The following TCEA1 variants were observed in gnomAD, a reference collection of about 807,000 sequenced individuals.
TCEA1 encodes transcription elongation factor A1, also known as transcription elongation factor A protein 1.
Under a neutral mutation model 43.8 loss-of-function variants are expected in TCEA1, and 21 were observed. The ratio of observed to expected loss-of-function variants is 0.48; its 90% confidence interval spans 0.34 to 0.69. TCEA1 has a LOEUF of 0.69. Ranked by LOEUF, TCEA1 falls within the 30% of genes least tolerant of loss-of-function variation. The pLI is 0.01. For missense variants in TCEA1, 250 were observed against 365.1 expected (o/e 0.68, Z 2.57); for synonymous variants, 104 against 117.5 (o/e 0.88, Z 0.75).
At chr8:53,988,317 A>G (rs185378086) in intron 4 of TCEA1, 58 bp from the exon 5 acceptor site, 62 of 1,571,178 alleles carry the variant, frequency 3.9e-5, no homozygotes, top group South Asian at 2.9e-4. Context: ...CAAAGTAACA[A>G]TACTACTATC....
At chr8:54,019,949 T>G (rs1027478920) in intron 1 of TCEA1, among the ~76,000 whole-genome samples, 1 of 152,196 alleles carries the variant, frequency 6.6e-6, no homozygotes, top group Admixed American at 6.5e-5. Context: ...AGAAGAAAAC[T>G]TAGATTTGAG....
intron 3 of TCEA1, among the ~76,000 whole-genome samples, chr8:53,994,633 C>T (rs551778257): frequency 6.6e-5 from 10 of 152,132 alleles, no homozygotes; most frequent in African/African-American, 2.2e-4. Flanking sequence ...CTTTGGAAGG[C>T]CACGGCGGGC....
chr8:53,970,807 TAAG>T (rs1341934876), intron 8 of TCEA1, among the ~76,000 whole-genome samples: 1 of 152,146 alleles, frequency 6.6e-6, no homozygotes, highest in African/African-American at 2.4e-5. Context: ...ATTTCATCAG[TAAG>T]AAGCACAGAA....
intron 1 of TCEA1, 33 bp downstream of exon 1, chr8:54,022,030 T>G: frequency 1.3e-6 from 2 of 1,555,782 alleles, no homozygotes; most frequent in African/African-American, 1.4e-5. Flanking sequence ...CGGCCCGGCC[T>G]CCCTCCCGGC....
At chr8:53,989,630 T>C (rs1332039091) in intron 4 of TCEA1, among the ~76,000 whole-genome samples, 1 of 152,248 alleles carries the variant, frequency 6.6e-6, no homozygotes, top group Non-Finnish European at 1.5e-5. Flanking sequence ...TTCTTCTCTA[T>C]CAGACTGAGT....
chr8:53,987,000 A>C lies in TCEA1; in HGVS notation c.492T>G (p.Asp164Glu). ...CAATTTGAGATCCTAATTCTTCCTC[A>C]TCAGCTCCAATTGCAATGTAGTCAT... is the stretch of plus-strand genomic sequence containing the variant. The part of the protein sequence containing the change: ...TGDDYIAIGA[D>E]EEELGSQIEE... Residue 164 changes from aspartate to glutamate, a missense_variant, in exon 6 of 10, where the codon GAT (aspartate) becomes GAG (glutamate). Physicochemically the swap from Asp to Glu is conservative, Grantham distance 45 (BLOSUM62 2). Around this residue, in one of 4 missense-constraint regions of TCEA1, gnomAD observed 147 missense variants for 160.3 expected, o/e 0.92. Coordinates refer to ENST00000521604, the MANE Select transcript of TCEA1 (RefSeq NM_006756.4). 1 of 1,601,612 alleles carries C rather than the reference A, an allele frequency of 6.2e-7. No individual in the cohort carries two copies. Among genetic ancestry groups the C allele is most frequent in the Non-Finnish European group, 8.5e-7 (1 of 1,174,348 alleles).
In TCEA1 at chr8:53,978,251, A is replaced by AT. The variant is rs891069119; in HGVS notation, c.825+773dup. On this transcript the variant is annotated intron_variant, in intron 8 of 9. Transcript: ENST00000521604. ...CCATCTCCGCAAAAAAATAATAATA[A>AT]TTTTTTTTAAAAAAAATCATTCTTA... is the stretch of plus-strand genomic sequence containing the variant. Among the ~76,000 whole-genome samples the AT allele has an allele frequency of 1.1e-4, 17 of 151,918 alleles. No individual in the cohort carries two copies. In the East Asian group the frequency reaches 1.9e-3, roughly 17 times the overall value.
chr8:54,019,385 T>G (rs1335798738), intron 1 of TCEA1, among the ~76,000 whole-genome samples: 1 of 151,730 alleles, frequency 6.6e-6, no homozygotes, highest in Non-Finnish European at 1.5e-5. Context: ...GCCTGGCCAA[T>G]ACGTTGAAAT....
At chr8:54,000,089 T>A in intron 2 of TCEA1, 39 bp from the exon 3 acceptor site, 1 of 1,173,784 alleles carries the variant, frequency 8.5e-7, no homozygotes, top group Non-Finnish European at 1.2e-6. Context: ...ATACCAATTT[T>A]ATTTTAAACA....
rs372820970 is a variant in TCEA1 at position 53,984,528 on chromosome 8, G to A, written c.524-11C>T. 1.2e-4 allele frequency: 188 copies of A among 1,534,894 alleles called. No homozygotes were observed. Among genetic ancestry groups the A allele is most frequent in the Admixed American group, 3.5e-4 (15 of 42,698 alleles). ...TTTCTTGATATATAGGTACCAGGCC[G>A]TTAAGGAAAAAAGGCAAAATTACAA... On this transcript the variant is annotated splice_polypyrimidine_tract_variant and intron_variant, in intron 6 of 9. Transcript: ENST00000521604.
At chr8:53,977,708 T>TTC (rs1803374762) in intron 8 of TCEA1, among the ~76,000 whole-genome samples, 103 of 152,172 alleles carry the variant, frequency 6.8e-4, no homozygotes, top group African/African-American at 2.3e-3. Context: ...AAGACAGTGA[T>TTC]AAAAAAAATT....
chr8:53,973,551 T>G, intron 8 of TCEA1: 2 of 525,964 alleles, frequency 3.8e-6, no homozygotes, highest in Non-Finnish European at 7.2e-6. Context: ...GAAACCAAAA[T>G]AGAAAGATGA....
intron 3 of TCEA1, among the ~76,000 whole-genome samples, chr8:53,995,440 CAG>C (rs1804025408): frequency 6.6e-6 from 1 of 152,050 alleles, no homozygotes; most frequent in Non-Finnish European, 1.5e-5. Context: ...GCCTGGATGA[CAG>C]AGTGATACCT....
intron 3 of TCEA1, among the ~76,000 whole-genome samples, chr8:53,998,995 A>G (rs182878736): frequency 1.3e-3 from 192 of 152,220 alleles, no homozygotes; most frequent in African/African-American, 3.6e-3. Context: ...TTGGGAGGCC[A>G]AGGCGGGCAG....
intron 2 of TCEA1, among the ~76,000 whole-genome samples, chr8:54,004,280 C>T (rs940698606): frequency 4.6e-5 from 7 of 152,026 alleles, no homozygotes; most frequent in Non-Finnish European, 1.5e-5. Context: ...ATACCATTCC[C>T]AGGTATCTAC....
intron 1 of TCEA1, among the ~76,000 whole-genome samples, chr8:54,017,662 T>C (rs996743759): frequency 2.0e-5 from 3 of 152,208 alleles, no homozygotes; most frequent in African/African-American, 4.8e-5. Context: ...GGCTCACGCC[T>C]GTAATCCCAG....
rs554296579 is a variant in TCEA1 at position 53,988,165 on chromosome 8, A to G, written c.415T>C (p.Ser139Pro). 6.2e-7 allele frequency: 1 copy of G among 1,612,880 alleles called. No individual in the cohort carries two copies. Among genetic ancestry groups the G allele is most frequent in the South Asian group, 1.1e-5 (1 of 90,892 alleles). ...SFPRAPSTSD[S>P]VRLKCREMLA... is the part of the protein sequence containing the mutation. ...ATCTCCCTACACTTCAACCGCACAG[A>G]ATCAGAAGTGCTTGGTGCCCGAGGA... Residue 139 changes from serine (S) to proline (P), a missense_variant, in exon 5 of 10, where the codon TCT (serine) becomes CCT (proline). Coordinates refer to ENST00000521604, the MANE Select transcript of TCEA1 (RefSeq NM_006756.4).
At chr8:53,987,378 T>C (rs1354384065) in intron 5 of TCEA1, among the ~76,000 whole-genome samples, 1 of 152,286 alleles carries the variant, frequency 6.6e-6, no homozygotes, top group South Asian at 2.1e-4. Flanking sequence ...CAGGCTTCAA[T>C]GCAAAGAAAT....
chr8:54,016,929 G>A (rs750024041), intron 1 of TCEA1, among the ~76,000 whole-genome samples: 11 of 142,182 alleles, frequency 7.7e-5, no homozygotes, highest in Non-Finnish European at 1.4e-4. Context: ...AGCCGAGATC[G>A]CGCCACTGCA....
Sources: gnomAD v4.1 joint callset for allele counts (sites outside exome capture counted in the v4.1 genomes callset) on GRCh38, gnomAD v4.1.1 for gene constraint, gnomAD v4.1.1 regional missense constraint, MANE v1.5 for transcripts, NCBI Gene and HGNC (gene_info 2026-07-23, HGNC 2026-07-21) for gene names.